The following NRG3 variants were observed in gnomAD, a reference collection of about 807,000 sequenced individuals.
NRG3 encodes neuregulin 3.
NRG3 carries 31 observed loss-of-function variants against 66.9 expected under a neutral mutation model. That is an observed-to-expected ratio of 0.46 (90% CI 0.35 to 0.63). The LOEUF is 0.63. Among genes scored for constraint, NRG3 ranks in the 20% least tolerant of loss-of-function variants. The probability of loss-of-function intolerance (pLI) is 0.00; values close to 1 mark genes in which losing one functional copy is unlikely to be tolerated. For missense variants in NRG3, 910 were observed against 878.9 expected (o/e 1.04, Z -0.45); for synonymous variants, 393 against 359.4 (o/e 1.09, Z -1.06).
chr10:82,611,732 T>C (rs996312862), intron 2 of NRG3, among the ~76,000 whole-genome samples: 2 of 152,202 alleles, frequency 1.3e-5, no homozygotes, highest in African/African-American at 4.8e-5. Context: ...TAAACATACA[T>C]GTGCATGTGT....
intron 1 of NRG3, among the ~76,000 whole-genome samples, chr10:82,027,143 G>A (rs2062350535): frequency 6.6e-6 from 1 of 152,036 alleles, no homozygotes; most frequent in African/African-American, 2.4e-5. Flanking sequence ...CAGTAGAATA[G>A]TCTTTGGAAA....
At chr10:82,947,496 A>T (rs1849131337) in intron 4 of NRG3, among the ~76,000 whole-genome samples, 1 of 152,068 alleles carries the variant, frequency 6.6e-6, no homozygotes, top group Admixed American at 6.5e-5. Flanking sequence ...GTATATTTTT[A>T]ATTTTCTGTG....
intron 1 of NRG3, among the ~76,000 whole-genome samples, chr10:82,321,636 C>T (rs959183079): frequency 1.8e-4 from 28 of 152,226 alleles, no homozygotes; most frequent in African/African-American, 4.8e-4. Flanking sequence ...ACCATTTCCT[C>T]GGCTATTCTA....
chr10:82,722,118 A>G (rs1051706781), intron 2 of NRG3, among the ~76,000 whole-genome samples: 6 of 152,226 alleles, frequency 3.9e-5, no homozygotes, highest in Non-Finnish European at 2.9e-5. Context: ...AAGAGGAAGT[A>G]TGAAATAGAA....
intron 2 of NRG3, among the ~76,000 whole-genome samples, chr10:82,673,448 A>G (rs558558484): frequency 1.3e-5 from 2 of 152,306 alleles, no homozygotes; most frequent in South Asian, 4.1e-4. Flanking sequence ...TGTTTTCATT[A>G]TACTGTATTT....
intron 1 of NRG3, among the ~76,000 whole-genome samples, chr10:82,287,712 C>A (rs1235285082): frequency 6.6e-6 from 1 of 152,132 alleles, no homozygotes; most frequent in Non-Finnish European, 1.5e-5. Flanking sequence ...TGGGTTCAGG[C>A]TGGCACAGAT....
At chr10:82,552,855 C>T (rs2044406497) in intron 2 of NRG3, among the ~76,000 whole-genome samples, 1 of 152,084 alleles carries the variant, frequency 6.6e-6, no homozygotes, top group African/African-American at 2.4e-5. Flanking sequence ...TCATAAGAGA[C>T]AAAGACCAAA....
At position 82,638,949 on chromosome 10, in the gene NRG3, AT is replaced by A. The variant is rs200545100; in HGVS notation, c.954-99619del. Among the ~76,000 whole-genome samples, 35 of 151,382 alleles carry A rather than the reference AT, an allele frequency of 2.3e-4. No homozygotes were observed. In the East Asian group the frequency reaches 3.5e-3, roughly 15 times the overall value. ...TGTGAGCCACTGTGCCCGGCCACAT[AT>A]TTTTTTTTAATCTTCTATCATATAA... On this transcript the variant is annotated intron_variant, in intron 2 of 8. Coordinates refer to ENST00000372141, the MANE Select transcript of NRG3 (RefSeq NM_001010848.4).
At chr10:82,495,695 G>T (rs968537471) in intron 2 of NRG3, among the ~76,000 whole-genome samples, 1 of 151,974 alleles carries the variant, frequency 6.6e-6, no homozygotes. Context: ...CTTAGCAGAA[G>T]CCCTAAGAAA....
At chr10:82,779,636 A>G (rs2060039739) in intron 3 of NRG3, among the ~76,000 whole-genome samples, 1 of 152,056 alleles carries the variant, frequency 6.6e-6, no homozygotes, top group Non-Finnish European at 1.5e-5. Context: ...TTCCTGCCGG[A>G]AGTTTTATTA....
intron 2 of NRG3, among the ~76,000 whole-genome samples, chr10:82,716,939 C>G (rs2057006390): frequency 6.6e-6 from 1 of 152,058 alleles, no homozygotes; most frequent in South Asian, 2.1e-4. Context: ...TTTTAATATA[C>G]ATTTTACTGA....
chr10:82,645,691 T>A (rs143768891), intron 2 of NRG3, among the ~76,000 whole-genome samples: 78 of 152,344 alleles, frequency 5.1e-4, no homozygotes, highest in African/African-American at 1.9e-3. Context: ...CTGCTTTTCA[T>A]GTCTTCTTCT....
intron 2 of NRG3, among the ~76,000 whole-genome samples, chr10:82,520,516 C>G (rs376150662): frequency 6.6e-6 from 1 of 152,034 alleles, no homozygotes; most frequent in African/African-American, 2.4e-5. Context: ...TCATCTCAAC[C>G]AGCTTCTCTC....
intron 1 of NRG3, among the ~76,000 whole-genome samples, chr10:82,266,117 G>A (rs2078280736): frequency 6.6e-6 from 1 of 152,066 alleles, no homozygotes; most frequent in Admixed American, 6.6e-5. Context: ...CCCACTAAGG[G>A]ATCTTCAAAA....
intron 1 of NRG3, among the ~76,000 whole-genome samples, chr10:82,290,032 T>C (rs2079635090): frequency 6.6e-6 from 1 of 152,256 alleles, no homozygotes. Flanking sequence ...CAAAATGGAT[T>C]TGCCTCAATT....
intron 1 of NRG3, among the ~76,000 whole-genome samples, chr10:82,201,153 G>A (rs1257026178): frequency 1.4e-5 from 2 of 142,756 alleles, no homozygotes; most frequent in Non-Finnish European, 3.0e-5. Flanking sequence ...AGCCAAGATC[G>A]CACCAGCGCA....
intron 1 of NRG3, among the ~76,000 whole-genome samples, chr10:81,959,980 C>T (rs1027581117): frequency 1.3e-5 from 2 of 152,110 alleles, no homozygotes; most frequent in Admixed American, 1.3e-4. Flanking sequence ...TTTTCATATA[C>T]TAAATTAATA....
intron 4 of NRG3, among the ~76,000 whole-genome samples, chr10:82,876,705 A>T (rs1019090960): frequency 6.6e-6 from 1 of 152,190 alleles, no homozygotes; most frequent in African/African-American, 2.4e-5. Context: ...AGCAACAGTG[A>T]TGTTCAGATT....
At chr10:82,100,714 T>C (rs2066676842) in intron 1 of NRG3, among the ~76,000 whole-genome samples, 1 of 152,146 alleles carries the variant, frequency 6.6e-6, no homozygotes. Flanking sequence ...GGATAAACTA[T>C]ACTTGGTAAT....
Sources: gnomAD v4.1 joint callset for allele counts (sites outside exome capture counted in the v4.1 genomes callset) on GRCh38, gnomAD v4.1.1 for gene constraint, MANE v1.5 for transcripts, NCBI Gene and HGNC (gene_info 2026-07-23, HGNC 2026-07-21) for gene names.